The following PPARGC1B variants were observed in gnomAD, a reference collection of about 807,000 sequenced individuals.
The protein encoded by PPARGC1B is peroxisome proliferator-activated receptor gamma coactivator 1-beta.
A neutral mutation model predicts 101.6 loss-of-function variants in PPARGC1B; 34 were observed. The ratio of observed to expected loss-of-function variants is 0.33; its 90% CI spans 0.25 to 0.45. PPARGC1B has a LOEUF of 0.45. Ranked by LOEUF, PPARGC1B falls within the 20% of genes least tolerant of loss-of-function variation. The probability of loss-of-function intolerance (pLI) is 1.00; values close to 1 mark genes in which losing one functional copy is unlikely to be tolerated. For synonymous variants in PPARGC1B, 548 were observed against 539.3 expected (o/e 1.02, Z -0.22); for missense variants, 1,234 against 1,317.6 (o/e 0.94, Z 0.98).
In PPARGC1B at chr5:149,836,882, A is replaced by G. The variant is rs1759108822; in HGVS notation, c.2427A>G (p.Glu809=). 1 of 1,612,958 alleles carries G rather than the reference A, an allele frequency of 6.2e-7. No individual in the cohort carries two copies. The highest frequency in any genetic ancestry group is 1.3e-5 in the African/African-American group (1 of 74,918). The change falls in exon 8 of 12, where the codon GAA becomes GAG. Residue 809 remains glutamate (E), a synonymous_variant. Coordinates refer to ENST00000309241, the MANE Select transcript of PPARGC1B (RefSeq NM_133263.4). ...SGESSFLPEE[E]EEEGEEEEED... ...AGAGCAGCTTCCTCCCAGAGGAGGA[A>G]GAGGAAGAAGGGGAGGAGGAGGAGG...
At chr5:149,743,806 A>AC (rs758688890) in intron 1 of PPARGC1B, among the ~76,000 whole-genome samples, 6 of 152,188 alleles carry the variant, frequency 3.9e-5, no homozygotes, top group Non-Finnish European at 7.3e-5. Context: ...AGCCTCCAGA[A>AC]CCCACTATCA....
At chr5:149,813,701 A>G (rs1470932103) in intron 1 of PPARGC1B, among the ~76,000 whole-genome samples, 1 of 152,196 alleles carries the variant, frequency 6.6e-6, no homozygotes, top group African/African-American at 2.4e-5. Flanking sequence ...AGAAAGTGCT[A>G]TATCTGTGTC....
intron 1 of PPARGC1B, among the ~76,000 whole-genome samples, chr5:149,734,128 C>T (rs1032212992): frequency 1.3e-5 from 2 of 151,872 alleles, no homozygotes; most frequent in African/African-American, 4.8e-5. Flanking sequence ...TCCGGACCAG[C>T]CTGGCCAACA....
rs373882261 is a variant in PPARGC1B, at chr5:149,827,051, T to G, written c.465+166T>G. On this transcript the variant is annotated intron_variant, in intron 3 of 11. Transcript: ENST00000309241. ...GTGGGCCGAAGGTGGGAGGCCCCCCTGGACTTAACCTTTCCCACCTAGACA... is the reference window on the plus strand; with the variant it reads ...GTGGGCCGAAGGTGGGAGGCCCCCCGGGACTTAACCTTTCCCACCTAGACA... 3.9e-5 allele frequency among the ~76,000 whole-genome samples: 6 copies of G among 152,384 alleles called. No individual in the cohort carries two copies. In the East Asian group the frequency reaches 1.2e-3, roughly 29 times the overall value.
intron 1 of PPARGC1B, among the ~76,000 whole-genome samples, chr5:149,799,964 G>A (rs1388350339): frequency 6.6e-6 from 1 of 152,080 alleles, no homozygotes; most frequent in East Asian, 1.9e-4. Flanking sequence ...CTCCCAAAGT[G>A]CTGGGATTAC....
chr5:149,736,501 C>T lies in PPARGC1B; in HGVS notation c.78+6081C>T, dbSNP rs1025989171. ...CTCCTACAAGGTAGTCGGAGTGCCT[C>T]ATATCCATCCCATTGACACTCAGCT... On this transcript the variant is annotated intron_variant, in intron 1 of 11. Transcript: ENST00000309241. Among the ~76,000 whole-genome samples, 5 of 152,146 alleles carry T rather than the reference C, an allele frequency of 3.3e-5. No individual in the cohort carries two copies. In the East Asian group the frequency reaches 9.6e-4, roughly 29 times the overall value.
Position 149,832,788 on chromosome 5 carries a change from A to G in PPARGC1B, c.715A>G (p.Ser239Gly), listed in dbSNP as rs768357252. 2.5e-6 allele frequency: 4 copies of G among 1,613,040 alleles called. No homozygotes were observed. The highest frequency in any genetic ancestry group is 1.7e-4 in the Middle Eastern group (1 of 6,058). ...DRGLQPPCLQ[S>G]PRLPAKEDKE... is the part of the protein sequence containing the mutation. ...GGGTCTGCAGCCACCATGCCTCCAGAGTCCCCGGCTCCCTGCCAAGGAGGA... is the reference window on the plus strand; with the variant it reads ...GGGTCTGCAGCCACCATGCCTCCAGGGTCCCCGGCTCCCTGCCAAGGAGGA... The change falls in exon 5 of 12, where the codon AGT (serine) becomes GGT (glycine). Residue 239 changes from serine to glycine, a missense_variant. This residue lies in a region of PPARGC1B where 734 missense variants were observed against 768.4 expected (regional missense o/e 0.96). Coordinates refer to ENST00000309241, the MANE Select transcript of PPARGC1B (RefSeq NM_133263.4). The surrounding 1 kb of genome is among the most constrained non-coding windows in gnomAD (Gnocchi z 4.9).
chr5:149,767,546 A>G (rs1755957612), intron 1 of PPARGC1B, among the ~76,000 whole-genome samples: 1 of 152,200 alleles, frequency 6.6e-6, no homozygotes, highest in Non-Finnish European at 1.5e-5. Flanking sequence ...CTGGAGCATC[A>G]TTCCCATTGT....
chr5:149,834,696 G>A lies in PPARGC1B; in HGVS notation c.1728G>A (p.Leu576=). The A allele has an allele frequency of 6.2e-7, 1 of 1,613,414 alleles. No individual in the cohort carries two copies. The change falls in exon 6 of 12, where the codon CTG becomes CTA. Residue 576 remains leucine (L), a synonymous_variant. Transcript: ENST00000309241. The part of the protein sequence containing the change: ...PPRDSPRCLM[L]ALSQSDPTFG... ...CAGACTCTCCCAGGTGCCTCATGCT[G>A]GCCTTGTCACAAAGGTAGATTTTTA...
At chr5:149,733,269 G>A (rs542099881) in intron 1 of PPARGC1B, among the ~76,000 whole-genome samples, 2 of 152,336 alleles carry the variant, frequency 1.3e-5, no homozygotes, top group South Asian at 2.1e-4. Flanking sequence ...GCCAAAGTAC[G>A]GAAATTTAGC....
At position 149,848,062 on chromosome 5, in the gene PPARGC1B, T is replaced by G. The variant is rs959136736; in HGVS notation, c.*504T>G. On this transcript the variant is annotated 3_prime_UTR_variant, in exon 12 of 12. Coordinates refer to ENST00000309241, the MANE Select transcript of PPARGC1B (RefSeq NM_133263.4). ...TGCCTGGGATTATTGTATTGCTTCCTTGATTTTTTAACTATGCACTGTCAT... is the reference window on the plus strand; with the variant it reads ...TGCCTGGGATTATTGTATTGCTTCCGTGATTTTTTAACTATGCACTGTCAT... 9 of 162,670 alleles carry G rather than the reference T, an allele frequency of 5.5e-5. No individual in the cohort carries two copies. The highest frequency in any genetic ancestry group is 5.2e-4 in the Admixed American group (9 of 17,390). 10.1% of individuals were successfully genotyped at this position (162,670 alleles called of 1,614,324 possible).
At chr5:149,757,161 G>A (rs1755560540) in intron 1 of PPARGC1B, among the ~76,000 whole-genome samples, 1 of 152,204 alleles carries the variant, frequency 6.6e-6, no homozygotes, top group Non-Finnish European at 1.5e-5. Context: ...CTCTGCAATG[G>A]TATTCATGCT....
chr5:149,756,748 C>T (rs1261021497), intron 1 of PPARGC1B, among the ~76,000 whole-genome samples: 2 of 152,116 alleles, frequency 1.3e-5, no homozygotes, highest in Non-Finnish European at 2.9e-5. Flanking sequence ...AAAATTGACT[C>T]TGCTTGTCCC....
At chr5:149,806,637 C>T (rs1457856138) in intron 1 of PPARGC1B, among the ~76,000 whole-genome samples, 2 of 145,528 alleles carry the variant, frequency 1.4e-5, no homozygotes, top group African/African-American at 5.1e-5. Context: ...GAGACAGTTT[C>T]GCTGTTGTCG....
chr5:149,768,981 C>T (rs987433890), intron 1 of PPARGC1B, among the ~76,000 whole-genome samples: 2 of 152,152 alleles, frequency 1.3e-5, no homozygotes, highest in African/African-American at 2.4e-5. Flanking sequence ...TATGAGTCTG[C>T]AAGCAATTGA....
chr5:149,736,244 G>A (rs2113069335), intron 1 of PPARGC1B, among the ~76,000 whole-genome samples: 1 of 152,228 alleles, frequency 6.6e-6, no homozygotes. Flanking sequence ...GATTGGGAGT[G>A]AAATAATACA....
chr5:149,845,476 T>C (rs1188266048), intron 10 of PPARGC1B, among the ~76,000 whole-genome samples: 1 of 152,238 alleles, frequency 6.6e-6, no homozygotes, highest in African/African-American at 2.4e-5. Context: ...TTTCCTCATC[T>C]GCAAGGTGGA....
chr5:149,840,078 A>G lies in PPARGC1B; in HGVS notation c.2656A>G (p.Ser886Gly), dbSNP rs761912489. The change falls in exon 9 of 12, where the codon AGC becomes GGC. Residue 886 changes from serine (S) to glycine (G), a missense_variant. Ser to Gly is a moderately conservative substitution (Grantham distance 56, BLOSUM62 0). This residue lies in a region of PPARGC1B where 497 missense variants were observed against 529.5 expected (regional missense o/e 0.94). Coordinates refer to ENST00000309241, the MANE Select transcript of PPARGC1B (RefSeq NM_133263.4). Reference sequence around the variant, plus strand: ...AGGGCCGTGTTCAGACAGAACGCCAAGCATCCGGCACGCCAGGAAGCGGCG... The same window carrying G: ...AGGGCCGTGTTCAGACAGAACGCCAGGCATCCGGCACGCCAGGAAGCGGCG... ...SRGPCSDRTP[S>G]IRHARKRREK... is the part of the protein sequence containing the mutation. 3.7e-6 allele frequency: 6 copies of G among 1,613,924 alleles called. No individual in the cohort carries two copies. In the Admixed American group the frequency reaches 8.3e-5, roughly 22 times the overall value.
At chr5:149,745,637 C>T (rs957488196) in intron 1 of PPARGC1B, among the ~76,000 whole-genome samples, 16 of 152,206 alleles carry the variant, frequency 1.1e-4, no homozygotes, top group African/African-American at 3.4e-4. Context: ...TAATAATGCC[C>T]GTGGAGAGCA....
Sources: gnomAD v4.1 joint callset for allele counts (sites outside exome capture counted in the v4.1 genomes callset) on GRCh38, gnomAD v4.1.1 for gene constraint, gnomAD v4.1.1 regional missense constraint, Gnocchi (gnomAD v3.1) non-coding constraint, MANE v1.5 for transcripts, NCBI Gene and HGNC (gene_info 2026-07-23, HGNC 2026-07-21) for gene names.